Variants in VPS11 observed in about 807,000 individuals in gnomAD.
VPS11 encodes vacuolar protein sorting-associated protein 11 homolog.
Under a neutral mutation model 106.8 loss-of-function variants are expected in VPS11, and 51 were observed. The observed-to-expected ratio is 0.48, with a 90% confidence interval of 0.38 to 0.60. VPS11 has a LOEUF of 0.60. VPS11 is among the 20% of genes least tolerant of loss of function. The pLI is 0.00. For missense variants in VPS11, 950 were observed against 1,190.0 expected (o/e 0.80, Z 2.97); for synonymous variants, 453 against 458.7 (o/e 0.99, Z 0.16).
chr11:119,069,285 C>A lies in VPS11; in HGVS notation c.277C>A (p.Leu93Met), dbSNP rs545909302. The change falls in exon 2 of 16, where the codon CTG becomes ATG. Residue 93 changes from leucine to methionine, a missense_variant. Physicochemically the swap from Leu to Met is conservative, Grantham distance 15. Around this residue, in one of 3 missense-constraint regions of VPS11, gnomAD observed 435 missense variants for 630.2 expected, o/e 0.69. Coordinates refer to ENST00000621676, the MANE Select transcript of VPS11 (RefSeq NM_021729.6). ...ACTACGGGTGACACACCTGTACCAA[C>A]TGAAGCAGCACAATATTCTGGCATC... ...YKLRVTHLYQLKQHNILASVG... is the reference protein window; with the variant it reads ...YKLRVTHLYQMKQHNILASVG... 6.2e-6 allele frequency: 10 copies of A among 1,614,004 alleles called. No homozygotes were observed. In the East Asian group the frequency reaches 2.2e-4, roughly 36 times the overall value.
Position 119,067,851 on chromosome 11 carries a change from T to G in VPS11, c.28T>G (p.Phe10Val), listed in dbSNP as rs1945177894. 1.3e-6 allele frequency: 2 copies of G among 1,556,444 alleles called. No individual in the cohort carries two copies. The highest frequency in any genetic ancestry group is 2.7e-5 in the African/African-American group (2 of 73,428). MAAYLQWRR[F>V]VFFDKELVKE... The stretch of plus-strand genomic sequence containing the variant: ...GGCGGCCTACCTGCAGTGGCGGCGC[T>G]TCGTTTTCTTCGACAAGGAGCTGGT... Residue 10 changes from phenylalanine (F) to valine (V), a missense_variant, in exon 1 of 16, where the codon TTC becomes GTC. Transcript: ENST00000621676.
chr11:119,078,154 T>G lies in VPS11; in HGVS notation c.1762-19T>G. 1 of 1,611,918 alleles carries G rather than the reference T, an allele frequency of 6.2e-7. No homozygotes were observed. The highest frequency in any genetic ancestry group is 8.5e-7 in the Non-Finnish European group (1 of 1,179,760). On this transcript the variant is annotated intron_variant, in intron 10 of 15. Transcript: ENST00000621676. ...ACGCCCACTCATTCAGCCTCCTTTT[T>G]CCTCTCTTGCCATCCTAGGCCAACT...
At chr11:119,080,488 C>T (rs1165705316) in intron 14 of VPS11, among the ~76,000 whole-genome samples, 1 of 152,032 alleles carries the variant, frequency 6.6e-6, no homozygotes, top group African/African-American at 2.4e-5. Context: ...CCTGCCTTGG[C>T]CCCCTGAGTA....
At chr11:119,071,344 G>A (rs1424436007) in intron 4 of VPS11, among the ~76,000 whole-genome samples, 2 of 152,152 alleles carry the variant, frequency 1.3e-5, no homozygotes, top group Non-Finnish European at 2.9e-5. Flanking sequence ...TAAAGTAGTA[G>A]ATTATTACAT....
chr11:119,071,623 C>T lies in VPS11; in HGVS notation c.664C>T (p.Pro222Ser), dbSNP rs561209597. 4 of 1,613,996 alleles carry T rather than the reference C, an allele frequency of 2.5e-6. No homozygotes were observed. Among genetic ancestry groups the T allele is most frequent in the East Asian group, 4.5e-5 (2 of 44,884 alleles). ...QSYIVSGKDY[P>S]RVELDTHGCG... Reference sequence around the variant, plus strand: ...CTATATAGTTTCTGGAAAAGACTACCCTCGCGTGGAGTTGGACACCCATGG... The same window carrying T: ...CTATATAGTTTCTGGAAAAGACTACTCTCGCGTGGAGTTGGACACCCATGG... The change falls in exon 5 of 16, where the codon CCT becomes TCT. Residue 222 changes from proline (P) to serine (S), a missense_variant. Physicochemically the swap from Pro to Ser is moderately conservative, Grantham distance 74. Coordinates refer to ENST00000621676, the MANE Select transcript of VPS11 (RefSeq NM_021729.6).
Position 119,077,576 on chromosome 11 carries a change from C to A in VPS11, c.1501C>A (p.His501Asn). ...CCTCCGGCAGGCTGGCTACTACTCC[C>A]ATGCCCTGTATCTGGCGGAGAACCA... The part of the protein sequence containing the change: ...KVLRQAGYYS[H>N]ALYLAENHAH... Residue 501 changes from histidine (H) to asparagine (N), a missense_variant, in exon 9 of 16, where the codon CAT (histidine) becomes AAT (asparagine). Around this residue, in one of 3 missense-constraint regions of VPS11, gnomAD observed 435 missense variants for 630.2 expected, o/e 0.69. Coordinates refer to ENST00000621676, the MANE Select transcript of VPS11 (RefSeq NM_021729.6). The A allele has an allele frequency of 6.2e-7, 1 of 1,613,962 alleles. No homozygotes were observed. Among genetic ancestry groups the A allele is most frequent in the East Asian group, 2.2e-5 (1 of 44,890 alleles).
In VPS11 at chr11:119,073,176, G is replaced by A. The variant is rs781936677; in HGVS notation, c.885-22G>A. The A allele has an allele frequency of 1.9e-5, 31 of 1,601,364 alleles. 1 individual carries two copies. In the Admixed American group the frequency reaches 5.4e-4, roughly 28 times the overall value. On this transcript the variant is annotated intron_variant, in intron 5 of 15. Coordinates refer to ENST00000621676, the MANE Select transcript of VPS11 (RefSeq NM_021729.6). ...TAAGACAGAGATGTCCAAACATCTG[G>A]TGCTTTTTCTTTCCTATGCAGGTCA...
chr11:119,071,665 T>C lies in VPS11; in HGVS notation c.706T>C (p.Ser236Pro). The C allele has an allele frequency of 6.2e-7, 1 of 1,614,020 alleles. No homozygotes were observed. The highest frequency in any genetic ancestry group is 8.5e-7 in the Non-Finnish European group (1 of 1,179,904). The change falls in exon 5 of 16, where the codon TCA becomes CCA. Residue 236 changes from serine to proline, a missense_variant. This residue lies in a region of VPS11 where 435 missense variants were observed against 630.2 expected (regional missense o/e 0.69). Transcript: ENST00000621676. ...LDTHGCGLRC[S>P]ALSDPSQDLQ... ...CACCCATGGTTGTGGCCTGCGCTGC[T>C]CAGCCCTAAGTGACCCTTCTCAGGA...
Position 119,081,305 on chromosome 11 carries a change from C to G in VPS11, c.2652C>G (p.Phe884Leu). 1 of 1,614,010 alleles carries G rather than the reference C, an allele frequency of 6.2e-7. No individual in the cohort carries two copies. Among genetic ancestry groups the G allele is most frequent in the African/African-American group, 1.3e-5 (1 of 75,050 alleles). The change falls in exon 15 of 16, where the codon TTC (phenylalanine) becomes TTG (leucine). Residue 884 changes from phenylalanine (F) to leucine (L), a missense_variant. This residue lies in a region of VPS11 where 453 missense variants were observed against 514.6 expected (regional missense o/e 0.88). Transcript: ENST00000621676. The stretch of plus-strand genomic sequence containing the variant: ...AGAAACGAGATCTCCATGATCAATT[C>G]CAGCATCAGGTGGGGATGAGTGGGC... ...QEQKRDLHDQ[F>L]QHQLKCSNDS... is the part of the protein sequence containing the mutation.
rs376777336 is a variant in VPS11 at position 119,071,702 on chromosome 11, T to C, written c.743T>C (p.Ile248Thr). 3.1e-5 allele frequency: 50 copies of C among 1,614,006 alleles called. No individual in the cohort carries two copies. Among genetic ancestry groups the C allele is most frequent in the South Asian group, 2.4e-4 (22 of 91,076 alleles). The change falls in exon 5 of 16, where the codon ATT becomes ACT. Residue 248 changes from isoleucine (I) to threonine (T), a missense_variant. Transcript: ENST00000621676. ...GACCCTTCTCAGGACCTGCAGTTCA[T>C]TGTGGCCGGGGATGAGTGTGTCTAC... The part of the protein sequence containing the change: ...LSDPSQDLQF[I>T]VAGDECVYLY...
chr11:119,072,037 GCTCACTGCAGCCTCGC>G (rs1945414387), intron 5 of VPS11, 194 bp downstream of exon 5: 1 of 628,974 alleles, frequency 1.6e-6, no homozygotes, highest in African/African-American at 1.8e-5. Context: ...CGTGATCTCG[GCTCACTGCAGCCTCGC>G]CTCCTGGGTT....
rs1945496400 is a variant in VPS11 at position 119,073,846 on chromosome 11, A to C, written c.1133A>C (p.Lys378Thr). 3 of 1,613,580 alleles carry C rather than the reference A, an allele frequency of 1.9e-6. No individual in the cohort carries two copies. Among genetic ancestry groups the C allele is most frequent in the Middle Eastern group, 3.3e-4 (2 of 6,066 alleles). Residue 378 changes from lysine (K) to threonine (T), a missense_variant, in exon 7 of 16, where the codon AAG becomes ACG. Lys to Thr is a moderately conservative substitution (Grantham distance 78). Around this residue, in one of 3 missense-constraint regions of VPS11, gnomAD observed 435 missense variants for 630.2 expected, o/e 0.69. Coordinates refer to ENST00000621676, the MANE Select transcript of VPS11 (RefSeq NM_021729.6). ...TTTGAGATGGCGATTAACCTTGCCA[A>C]GAGCCAGCATCTGGACAGTGATGGG... Reference protein sequence around the residue: ...NLFEMAINLAKSQHLDSDGLA... With the variant: ...NLFEMAINLATSQHLDSDGLA...
rs1474675109 is a variant in VPS11, at chr11:119,074,097, T to A, written c.1238+146T>A. ...GTTTTTTGTTTGTTTTTGTTAGTTT[T>A]TTTTTGAGATGGAGTTTCGCTCTTG... On this transcript the variant is annotated intron_variant, in intron 7 of 15. Transcript: ENST00000621676. 2.8e-6 allele frequency: 3 copies of A among 1,072,258 alleles called. No homozygotes were observed. In the African/African-American group the frequency reaches 4.8e-5, roughly 17 times the overall value. 66.4% of individuals were successfully genotyped at this position (1,072,258 alleles called of 1,614,324 possible).
At chr11:119,076,265 A>G (rs896428458) in intron 7 of VPS11, among the ~76,000 whole-genome samples, 2 of 147,338 alleles carry the variant, frequency 1.4e-5, no homozygotes, top group Admixed American at 6.7e-5. Context: ...GGTGGCTCAC[A>G]CCTGTAATCC....
chr11:119,069,668 C>T (rs782023259), intron 3 of VPS11, 91 bp downstream of exon 3: 17 of 1,558,284 alleles, frequency 1.1e-5, no homozygotes, highest in Non-Finnish European at 1.5e-5. Flanking sequence ...TTTCAGGAGA[C>T]CACTTTGTAC....
In VPS11 at chr11:119,071,585, G is replaced by C; in HGVS notation, c.637-11G>C. ...AAAGGAGCCTGTTAACCCCTTTGTT[G>C]CTTCTGGCAGTCCTATATAGTTTCT... On this transcript the variant is annotated splice_polypyrimidine_tract_variant and intron_variant, in intron 4 of 15. Transcript: ENST00000621676. 4 of 1,613,502 alleles carry C rather than the reference G, an allele frequency of 2.5e-6. No individual in the cohort carries two copies. Among genetic ancestry groups the C allele is most frequent in the Non-Finnish European group, 3.4e-6 (4 of 1,179,478 alleles).
At position 119,069,193 on chromosome 11, in the gene VPS11, C is replaced by T. The variant is rs1487738869; in HGVS notation, c.188-3C>T. On this transcript the variant is annotated splice_region_variant and splice_polypyrimidine_tract_variant and intron_variant, in intron 1 of 15. Coordinates refer to ENST00000621676, the MANE Select transcript of VPS11 (RefSeq NM_021729.6). ...GAAAGGAGGCTCCTTGACTACCCTGCACATATGGAAGGCCAGATCTGGTTC... is the reference window on the plus strand; with the variant it reads ...GAAAGGAGGCTCCTTGACTACCCTGTACATATGGAAGGCCAGATCTGGTTC... 1 of 1,613,770 alleles carries T rather than the reference C, an allele frequency of 6.2e-7. No homozygotes were observed. The highest frequency in any genetic ancestry group is 8.5e-7 in the Non-Finnish European group (1 of 1,179,900).
At chr11:119,078,412 C>T in intron 11 of VPS11, 78 bp downstream of exon 11, 5 of 1,583,490 alleles carry the variant, frequency 3.2e-6, no homozygotes, top group Non-Finnish European at 4.3e-6. Flanking sequence ...CTGCCTTTCA[C>T]TGCATTCCTT....
In VPS11 at chr11:119,077,947, T is replaced by G; in HGVS notation, c.1642T>G (p.Tyr548Asp). 6.2e-7 allele frequency: 1 copy of G among 1,614,042 alleles called. No individual in the cohort carries two copies. The highest frequency in any genetic ancestry group is 8.5e-7 in the Non-Finnish European group (1 of 1,179,898). The change falls in exon 10 of 16, where the codon TAC (tyrosine) becomes GAC (aspartate). Residue 548 changes from tyrosine to aspartate, a missense_variant. Transcript: ENST00000621676. ...FEQAESNMKR[Y>D]GKILMHHIPE... ...GCAGGCAGAGAGCAACATGAAGCGC[T>G]ACGGCAAGATCCTCATGCACCACAT... is the stretch of plus-strand genomic sequence containing the variant.
Sources: allele counts gnomAD v4.1 joint callset (sites outside exome capture counted in the v4.1 genomes callset), GRCh38; gene constraint gnomAD v4.1.1; regional missense constraint gnomAD v4.1.1; transcripts MANE v1.5; gene names NCBI Gene and HGNC (gene_info 2026-07-23, HGNC 2026-07-21).